SCFD2: variants seen among roughly 807,000 people sequenced by gnomAD.
SCFD2 encodes the protein sec1 family domain-containing protein 2.
In SCFD2, 54 loss-of-function variants were observed where a neutral mutation model predicts 58.9. The ratio of observed to expected loss-of-function variants is 0.92; its 90% CI spans 0.74 to 1.15. The LOEUF is 1.15. Ranked by LOEUF, SCFD2 falls within the 50% of genes most tolerant of loss-of-function variation. The probability of loss-of-function intolerance (pLI) is 0.00; values close to 1 mark genes in which losing one functional copy is unlikely to be tolerated. For synonymous variants in SCFD2, 321 were observed against 335.9 expected (o/e 0.96, Z 0.49); for missense variants, 805 against 836.6 (o/e 0.96, Z 0.47).
chr4:53,217,612 T>C (rs1033451129), intron 4 of SCFD2, among the ~76,000 whole-genome samples: 3 of 152,242 alleles, frequency 2.0e-5, no homozygotes, highest in Admixed American at 6.5e-5. Context: ...CCAGTCTGTG[T>C]CTTTTAATCG....
At chr4:53,169,981 G>C (rs1489705221) in intron 4 of SCFD2, among the ~76,000 whole-genome samples, 1 of 152,074 alleles carries the variant, frequency 6.6e-6, no homozygotes, top group African/African-American at 2.4e-5. Context: ...GTCTCTCTAG[G>C]TCGCTTCTTC....
intron 3 of SCFD2, among the ~76,000 whole-genome samples, chr4:53,303,372 C>G (rs1732385807): frequency 6.6e-6 from 1 of 152,156 alleles, no homozygotes; most frequent in South Asian, 2.1e-4. Context: ...CACTGGTCAT[C>G]AGAGAAATGC....
chr4:52,939,117 C>A (rs753525387), intron 5 of SCFD2, among the ~76,000 whole-genome samples: 1 of 152,162 alleles, frequency 6.6e-6, no homozygotes, highest in Non-Finnish European at 1.5e-5. Flanking sequence ...TTTTAAACTA[C>A]TGAGATTGTG....
intron 4 of SCFD2, among the ~76,000 whole-genome samples, chr4:53,263,323 T>C (rs1730883149): frequency 6.6e-6 from 1 of 152,198 alleles, no homozygotes; most frequent in Non-Finnish European, 1.5e-5. Context: ...TTAAAGAACC[T>C]TGTTTTGTCA....
At chr4:52,930,509 T>C (rs1194120018) in intron 5 of SCFD2, among the ~76,000 whole-genome samples, 1 of 151,878 alleles carries the variant, frequency 6.6e-6, no homozygotes, top group Non-Finnish European at 1.5e-5. Context: ...AATTGACAAA[T>C]GGGAACCATC....
chr4:53,291,140 C>T (rs569386230), intron 3 of SCFD2, among the ~76,000 whole-genome samples: 1 of 152,118 alleles, frequency 6.6e-6, no homozygotes, highest in South Asian at 2.1e-4. Flanking sequence ...AAAGACACTG[C>T]AAGGAAAGAG....
rs908894459 is a variant in SCFD2 at position 52,962,403 on chromosome 4, C to A, written c.1562-41533G>T. Among the ~76,000 whole-genome samples, 3 of 152,140 alleles carry A rather than the reference C, an allele frequency of 2.0e-5. No homozygotes were observed. The South Asian group carries it at 6.2e-4, about 32-fold the overall frequency. On this transcript the variant is annotated intron_variant, in intron 5 of 8. Coordinates refer to ENST00000401642, the MANE Select transcript of SCFD2 (RefSeq NM_152540.4). Reference sequence around the variant, plus strand: ...CCTGGTACCTTACAAACTCTTGAGGCCACCAACTTTGCTGCCAGATAGCTT... The same window carrying A: ...CCTGGTACCTTACAAACTCTTGAGGACACCAACTTTGCTGCCAGATAGCTT...
intron 4 of SCFD2, among the ~76,000 whole-genome samples, chr4:53,220,447 A>G (rs761789258): frequency 3.9e-5 from 6 of 152,230 alleles, no homozygotes; most frequent in South Asian, 4.1e-4. Flanking sequence ...ACAATTGACT[A>G]TTAGTCATAT....
intron 5 of SCFD2, among the ~76,000 whole-genome samples, chr4:53,004,480 T>C (rs1721929090): frequency 6.6e-6 from 1 of 152,226 alleles, no homozygotes; most frequent in Admixed American, 6.5e-5. Context: ...GCCCGGCATT[T>C]ACTACATTTA....
At position 52,940,662 on chromosome 4, in the gene SCFD2, C is replaced by T. The variant is rs6815379; in HGVS notation, c.1562-19792G>A. 6.9e-4 allele frequency among the ~76,000 whole-genome samples: 105 copies of T among 152,248 alleles called. 1 individual carries two copies. Among genetic ancestry groups the T allele is most frequent in the South Asian group, 1.2e-3 (6 of 4,816 alleles). On this transcript the variant is annotated intron_variant, in intron 5 of 8. Coordinates refer to ENST00000401642, the MANE Select transcript of SCFD2 (RefSeq NM_152540.4). ...CGTAAGTTCGGATTTCAGAAGAGTA[C>T]CCCTGTGTCCCTATTAAACTGATTT...
At chr4:53,223,989 T>C (rs888466649) in intron 4 of SCFD2, among the ~76,000 whole-genome samples, 1 of 152,172 alleles carries the variant, frequency 6.6e-6, no homozygotes, top group Non-Finnish European at 1.5e-5. Context: ...CTCCTCCCCT[T>C]GGGAGGTGCA....
At chr4:53,256,136 C>T (rs1439377529) in intron 4 of SCFD2, among the ~76,000 whole-genome samples, 1 of 150,458 alleles carries the variant, frequency 6.6e-6, no homozygotes, top group Admixed American at 6.6e-5. Context: ...GACGGGGTGG[C>T]TGCCGGACGG....
Position 53,237,994 on chromosome 4 carries a change from G to A in SCFD2, c.1311+35832C>T, listed in dbSNP as rs541286183. On this transcript the variant is annotated intron_variant, in intron 4 of 8. Coordinates refer to ENST00000401642, the MANE Select transcript of SCFD2 (RefSeq NM_152540.4). ...TCCCTCCCGGACGGGGCGGCTGGCCGGGCAGGGGGCTGATCCCCCCACCTC... is the reference window on the plus strand; with the variant it reads ...TCCCTCCCGGACGGGGCGGCTGGCCAGGCAGGGGGCTGATCCCCCCACCTC... Among the ~76,000 whole-genome samples, 42 of 129,798 alleles carry A rather than the reference G, an allele frequency of 3.2e-4. No individual in the cohort carries two copies. The East Asian group carries it at 4.2e-3, about 13-fold the overall frequency. 85.2% of individuals were successfully genotyped at this position (129,798 alleles called of 152,430 possible). A position where few individuals can be genotyped will look rare whatever the true frequency, so the allele number is the denominator to read the frequency against.
At chr4:53,229,940 C>T (rs1729374346) in intron 4 of SCFD2, among the ~76,000 whole-genome samples, 1 of 152,242 alleles carries the variant, frequency 6.6e-6, no homozygotes, top group East Asian at 1.9e-4. Flanking sequence ...AAACAAACAA[C>T]CCCATCAAAA....
intron 2 of SCFD2, among the ~76,000 whole-genome samples, chr4:53,338,314 A>G (rs1000876749): frequency 6.6e-6 from 1 of 152,226 alleles, no homozygotes; most frequent in African/African-American, 2.4e-5. Flanking sequence ...AAGTACTGGA[A>G]GAAATAATAG....
intron 4 of SCFD2, among the ~76,000 whole-genome samples, chr4:53,236,958 C>T (rs1729642502): frequency 1.3e-5 from 2 of 151,406 alleles, no homozygotes; most frequent in South Asian, 4.2e-4. Context: ...ACAAAGGTCT[C>T]TGGTTTTCCT....
rs778825430 is a variant in SCFD2, at chr4:53,210,561, CAGA to C, written c.1311+63262_1311+63264del. 3.1e-3 allele frequency among the ~76,000 whole-genome samples: 464 copies of C among 152,062 alleles called. 1 individual carries two copies. Among genetic ancestry groups the C allele is most frequent in the Non-Finnish European group, 5.3e-3 (362 of 67,984 alleles). On this transcript the variant is annotated intron_variant, in intron 4 of 8. Coordinates refer to ENST00000401642, the MANE Select transcript of SCFD2 (RefSeq NM_152540.4). ...TTAAACCAGACATTAAAGGGATTTG[CAGA>C]ATGTAAAACAATACCACTCATCTCA...
At chr4:52,888,065 C>T (rs557512819) in intron 7 of SCFD2, among the ~76,000 whole-genome samples, 143 of 151,710 alleles carry the variant, frequency 9.4e-4, no homozygotes, top group Middle Eastern at 3.4e-3. Flanking sequence ...CGCCCGCCAC[C>T]GCGCCCGGCT....
chr4:53,211,619 G>A (rs1207082428), intron 4 of SCFD2, among the ~76,000 whole-genome samples: 1 of 151,996 alleles, frequency 6.6e-6, no homozygotes, highest in East Asian at 1.9e-4. Flanking sequence ...TATATCTCTG[G>A]GTAGATAGTG....
Sources: gnomAD v4.1 joint callset for allele counts (sites outside exome capture counted in the v4.1 genomes callset) on GRCh38, gnomAD v4.1.1 for gene constraint, MANE v1.5 for transcripts, NCBI Gene and HGNC (gene_info 2026-07-23, HGNC 2026-07-21) for gene names.